The following GRIA1 variants were observed in gnomAD, a reference collection of about 807,000 sequenced individuals.
GRIA1 encodes the protein glutamate receptor 1.
GRIA1 carries 31 observed loss-of-function variants against 99.2 expected under a neutral mutation model. The observed-to-expected ratio is 0.31, with a 90% confidence interval of 0.23 to 0.42. The LOEUF is 0.42. Among genes scored for constraint, GRIA1 ranks in the 10% least tolerant of loss-of-function variants. The pLI is 1.00. For missense variants in GRIA1, 782 were observed against 1,157.5 expected (o/e 0.68, Z 4.71); for synonymous variants, 438 against 432.4 (o/e 1.01, Z -0.16).
intron 13 of GRIA1, among the ~76,000 whole-genome samples, chr5:153,775,004 G>T (rs1764124458): frequency 6.6e-6 from 1 of 152,156 alleles, no homozygotes; most frequent in African/African-American, 2.4e-5. Context: ...TTGGGGGTGG[G>T]AGAGGGGCTG....
At chr5:153,659,927 C>A (rs564974273) in intron 5 of GRIA1, among the ~76,000 whole-genome samples, 2 of 152,264 alleles carry the variant, frequency 1.3e-5, no homozygotes, top group East Asian at 3.9e-4. Flanking sequence ...GTAATATCAA[C>A]AATCTCTCTC....
At chr5:153,778,200 T>A (rs997892871) in intron 13 of GRIA1, among the ~76,000 whole-genome samples, 23 of 54,510 alleles carry the variant, frequency 4.2e-4, no homozygotes, top group South Asian at 1.2e-3. Context: ...AGAGTGTGTG[T>A]GTGTGTGTGT....
intron 5 of GRIA1, among the ~76,000 whole-genome samples, chr5:153,670,088 G>A (rs577119874): frequency 5.3e-5 from 8 of 152,250 alleles, no homozygotes; most frequent in South Asian, 2.1e-4. Context: ...ATTCTGATAC[G>A]TCCCTCAGAA....
At chr5:153,666,019 T>G (rs1345474120) in intron 5 of GRIA1, among the ~76,000 whole-genome samples, 1 of 152,104 alleles carries the variant, frequency 6.6e-6, no homozygotes, top group Non-Finnish European at 1.5e-5. Flanking sequence ...AAGACAGGAT[T>G]TATGTGGTTC....
Position 153,508,351 on chromosome 5 carries a change from G to A in GRIA1, c.220+14286G>A, listed in dbSNP as rs573211265. Among the ~76,000 whole-genome samples the A allele has an allele frequency of 3.3e-5, 5 of 152,144 alleles. No homozygotes were observed. In the South Asian group the frequency reaches 1.0e-3, roughly 32 times the overall value. ...ATGACTGAGGAACCAAATCTTTCAT[G>A]TAATTTAATTTTTATTAATTGTAAT... On this transcript the variant is annotated intron_variant, in intron 2 of 15. Transcript: ENST00000285900.
intron 11 of GRIA1, among the ~76,000 whole-genome samples, chr5:153,714,560 G>A (rs1332078031): frequency 6.6e-6 from 1 of 152,182 alleles, no homozygotes; most frequent in Non-Finnish European, 1.5e-5. Context: ...CATTTTCCCA[G>A]AGACGACCTC....
chr5:153,715,838 A>T (rs988679432), intron 11 of GRIA1, among the ~76,000 whole-genome samples: 1 of 152,188 alleles, frequency 6.6e-6, no homozygotes, highest in Non-Finnish European at 1.5e-5. Flanking sequence ...TTGAATGTCC[A>T]TCTTCACAAT....
chr5:153,536,308 G>A (rs771160707), intron 2 of GRIA1, among the ~76,000 whole-genome samples: 5 of 152,038 alleles, frequency 3.3e-5, no homozygotes, highest in Non-Finnish European at 7.4e-5. Context: ...TCAGGGCCAA[G>A]TTTAGATCTA....
At chr5:153,536,872 AG>A (rs1308173749) in intron 2 of GRIA1, among the ~76,000 whole-genome samples, 3 of 152,196 alleles carry the variant, frequency 2.0e-5, no homozygotes, top group Non-Finnish European at 4.4e-5. Context: ...TCGTTGAGAC[AG>A]GTCATCTTTG....
At chr5:153,715,533 T>C (rs1277906606) in intron 11 of GRIA1, among the ~76,000 whole-genome samples, 1 of 152,110 alleles carries the variant, frequency 6.6e-6, no homozygotes, top group Non-Finnish European at 1.5e-5. Flanking sequence ...TTTCCACTTC[T>C]GGAAAACAGG....
chr5:153,531,895 C>T (rs1377610038), intron 2 of GRIA1, among the ~76,000 whole-genome samples: 1 of 152,148 alleles, frequency 6.6e-6, no homozygotes. Flanking sequence ...AAACCTCTCA[C>T]ATTTAAGGAC....
intron 4 of GRIA1, among the ~76,000 whole-genome samples, chr5:153,652,729 G>C (rs1754665251): frequency 6.6e-6 from 1 of 152,156 alleles, no homozygotes; most frequent in African/African-American, 2.4e-5. Flanking sequence ...AGAGTTGAAA[G>C]GATTTTACAG....
At chr5:153,715,152 GAAGT>G (rs1419880066) in intron 11 of GRIA1, among the ~76,000 whole-genome samples, 1 of 152,146 alleles carries the variant, frequency 6.6e-6, no homozygotes, top group Non-Finnish European at 1.5e-5. Context: ...CTGCAAAATG[GAAGT>G]AAGATGGTCT....
intron 2 of GRIA1, among the ~76,000 whole-genome samples, chr5:153,514,425 G>A (rs557481323): frequency 1.5e-4 from 23 of 152,216 alleles, no homozygotes; most frequent in Non-Finnish European, 2.4e-4. Context: ...CAGCTTTTCC[G>A]GCACCATTTA....
rs113529691 is a variant in GRIA1, at chr5:153,675,887, G to A, written c.862-1107G>A. On this transcript the variant is annotated intron_variant, in intron 6 of 15. Coordinates refer to ENST00000285900, the MANE Select transcript of GRIA1 (RefSeq NM_000827.4). ...TTTTTTTTTTTTTGAGATGGAGTCT[G>A]GCTCTGTTGCCCAGGCTGGAGTGCA... Among the ~76,000 whole-genome samples the A allele has an allele frequency of 2.9e-3, 420 of 147,222 alleles. 6 individuals carry two copies. The highest frequency in any genetic ancestry group is 0.025 in the Admixed American group (359 of 14,616).
chr5:153,678,561 G>A (rs938516870), intron 7 of GRIA1, among the ~76,000 whole-genome samples: 17 of 152,064 alleles, frequency 1.1e-4, no homozygotes, highest in African/African-American at 3.4e-4. Context: ...CAGTGCCTGC[G>A]CCTCCCTTTC....
intron 11 of GRIA1, among the ~76,000 whole-genome samples, chr5:153,736,798 T>C (rs1407060174): frequency 1.3e-5 from 2 of 152,132 alleles, no homozygotes; most frequent in Admixed American, 6.6e-5. Flanking sequence ...GAAAAAAATA[T>C]AGTGGACGCT....
At chr5:153,593,226 C>G (rs1441209431) in intron 2 of GRIA1, among the ~76,000 whole-genome samples, 1 of 152,176 alleles carries the variant, frequency 6.6e-6, no homozygotes, top group Admixed American at 6.5e-5. Context: ...GACATCACGC[C>G]ACTGCCCTCC....
intron 2 of GRIA1, among the ~76,000 whole-genome samples, chr5:153,532,331 G>C (rs1338231940): frequency 6.6e-6 from 1 of 152,108 alleles, no homozygotes; most frequent in Non-Finnish European, 1.5e-5. Context: ...GCCTTACACT[G>C]TTTAAGCATT....
Sources: allele counts gnomAD v4.1 joint callset (sites outside exome capture counted in the v4.1 genomes callset), GRCh38; gene constraint gnomAD v4.1.1; transcripts MANE v1.5; gene names NCBI Gene and HGNC (gene_info 2026-07-23, HGNC 2026-07-21).